F9: variants seen among roughly 807,000 people sequenced by gnomAD.
The protein encoded by F9 is coagulation factor IX.
Under a neutral mutation model 34.1 loss-of-function variants are expected in F9, and 2 were observed. The ratio of observed to expected loss-of-function variants is 0.06; its 90% CI spans 0.02 to 0.18. The LOEUF (loss-of-function observed/expected upper bound fraction) is 0.18. Ranked by LOEUF, F9 falls within the 10% of genes least tolerant of loss-of-function variation. F9 has a pLI of 1.00. For missense variants in F9, 216 were observed against 345.1 expected, an observed-to-expected ratio of 0.63 and a Z score of 2.96; for synonymous variants, 137 against 118.8, an observed-to-expected ratio of 1.15 and a Z score of -1.00.
At chrX:139,549,558 T>A (rs960633808) in intron 5 of F9, among the ~76,000 whole-genome samples, 3 of 112,715 alleles carry the variant, frequency 2.7e-5, no homozygotes, top group Non-Finnish European at 5.6e-5. Flanking sequence ...AAAGTATTCC[T>A]TATGGGAAAT....
intron 4 of F9, among the ~76,000 whole-genome samples, chrX:139,542,157 G>C (rs1023957744): frequency 5.4e-5 from 6 of 111,999 alleles, no homozygotes; most frequent in African/African-American, 1.9e-4. Flanking sequence ...ATGAAATGTA[G>C]CAGCTACACT....
rs1348201465 is a variant in F9, at chrX:139,561,612, T to C, written c.927T>C (p.Ile309=). The C allele has an allele frequency of 8.3e-7, 1 of 1,210,213 alleles. No homozygotes were observed. ...IIPHHNYNAA[I]NKYNHDIALL... ...CTCACCACAACTACAATGCAGCTAT[T>C]AATAAGTACAACCATGACATTGCCC... Residue 309 remains isoleucine, a synonymous_variant, in exon 8 of 8, where the codon ATT becomes ATC. Coordinates refer to ENST00000218099, the MANE Select transcript of F9 (RefSeq NM_000133.4).
intron 1 of F9, among the ~76,000 whole-genome samples, chrX:139,535,488 G>A: frequency 8.9e-6 from 1 of 112,113 alleles, no homozygotes; most frequent in Non-Finnish European, 1.9e-5. Context: ...GTGAACAGCT[G>A]CAATGAAAAT....
chrX:139,553,312 T>C (rs1376172071), intron 6 of F9, among the ~76,000 whole-genome samples: 1 of 111,834 alleles, frequency 8.9e-6, no homozygotes, highest in Non-Finnish European at 1.9e-5. Context: ...TTTATGAACC[T>C]TTCCTGGAAC....
intron 4 of F9, among the ~76,000 whole-genome samples, chrX:139,541,439 C>T (rs1265577457): frequency 2.7e-5 from 3 of 111,407 alleles, no homozygotes; most frequent in Non-Finnish European, 3.8e-5. Context: ...TTAATACAAC[C>T]GTATGTGGTT....
chrX:139,532,214 A>G, intron 1 of F9, among the ~76,000 whole-genome samples: 1 of 111,882 alleles, frequency 8.9e-6, no homozygotes, highest in South Asian at 3.8e-4. Flanking sequence ...AGGCAATGTG[A>G]TTCTGCAGCC....
In F9 at chrX:139,561,255, C is replaced by A. The variant is rs183565089; in HGVS notation, c.839-269C>A. Among the ~76,000 whole-genome samples, 33 of 111,829 alleles carry A rather than the reference C, an allele frequency of 3.0e-4. No homozygotes were observed. In the Admixed American group the frequency reaches 3.1e-3, roughly 11 times the overall value. ...TGAGGATACTTGAAATTTGGAAAAT[C>A]TAGGATAATTCATGACTAGTGGATT... On this transcript the variant is annotated intron_variant, in intron 7 of 7. Transcript: ENST00000218099.
intron 1 of F9, among the ~76,000 whole-genome samples, chrX:139,533,121 C>T (rs897670453): frequency 9.1e-6 from 1 of 110,364 alleles, no homozygotes; most frequent in Non-Finnish European, 1.9e-5. Flanking sequence ...AGTAGCAGTA[C>T]AAAAAAAGAG....
chrX:139,561,080 T>C (rs1201806801), intron 7 of F9, among the ~76,000 whole-genome samples: 1 of 111,710 alleles, frequency 9.0e-6, no homozygotes, highest in Non-Finnish European at 1.9e-5. Flanking sequence ...TAGTTCTTGA[T>C]GTAGCCATTT....
chrX:139,560,593 A>G (rs1928074395), intron 6 of F9, 148 bp from the exon 7 acceptor site: 2 of 479,366 alleles, frequency 4.2e-6, no homozygotes, highest in African/African-American at 2.4e-5. Flanking sequence ...ACACTAATTC[A>G]TCTGCAAAGC....
intron 1 of F9, among the ~76,000 whole-genome samples, chrX:139,532,262 C>T (rs1927360039): frequency 9.0e-6 from 1 of 111,457 alleles, no homozygotes; most frequent in African/African-American, 3.3e-5. Context: ...AGGAAGGGGC[C>T]AGGGGAATTT....
At chrX:139,551,304 T>G in intron 6 of F9, 40 bp downstream of exon 6, 1 of 1,122,599 alleles carries the variant, frequency 8.9e-7, no homozygotes, top group Non-Finnish European at 1.2e-6. Context: ...GGAGCTCAGC[T>G]GGCAAGACAC....
Position 139,561,895 on chromosome X carries a change from A to G in F9, c.1210A>G (p.Arg404Gly), listed in dbSNP as rs1390673858. Reference sequence around the variant, plus strand: ...CTGTGCTGGCTTCCATGAAGGAGGTAGAGATTCATGTCAAGGAGATAGTGG... The same window carrying G: ...CTGTGCTGGCTTCCATGAAGGAGGTGGAGATTCATGTCAAGGAGATAGTGG... ...MFCAGFHEGG[R>G]DSCQGDSGGP... Residue 404 changes from arginine to glycine, a missense_variant, in exon 8 of 8, where the codon AGA (arginine) becomes GGA (glycine). Physicochemically the swap from Arg to Gly is moderately radical, Grantham distance 125. Coordinates refer to ENST00000218099, the MANE Select transcript of F9 (RefSeq NM_000133.4). 2 of 1,209,133 alleles carry G rather than the reference A, an allele frequency of 1.7e-6. No individual in the cohort carries two copies. The highest frequency in any genetic ancestry group is 4.4e-5 in the Admixed American group (2 of 45,766).
intron 6 of F9, among the ~76,000 whole-genome samples, chrX:139,560,006 G>T (rs1444435135): frequency 1.8e-5 from 2 of 112,290 alleles, no homozygotes; most frequent in Non-Finnish European, 3.8e-5. Flanking sequence ...TAATGGACTT[G>T]CCTCTTATCT....
chrX:139,531,220 T>C (rs1393748334), intron 1 of F9, among the ~76,000 whole-genome samples: 1 of 112,029 alleles, frequency 8.9e-6, no homozygotes, highest in Non-Finnish European at 1.9e-5. Flanking sequence ...TATTTTTGTT[T>C]GGACTTACCA....
chrX:139,534,975 T>C (rs764787012), intron 1 of F9, among the ~76,000 whole-genome samples: 3 of 111,657 alleles, frequency 2.7e-5, no homozygotes, highest in Non-Finnish European at 5.6e-5. Context: ...GGCAGATGGC[T>C]GCTCCAATTT....
chrX:139,538,658 C>T (rs918141821), intron 3 of F9, among the ~76,000 whole-genome samples: 1 of 111,559 alleles, frequency 9.0e-6, no homozygotes, highest in African/African-American at 3.3e-5. Flanking sequence ...TACTGAGGTG[C>T]CCCCTAAAGT....
intron 6 of F9, among the ~76,000 whole-genome samples, chrX:139,556,725 G>A (rs1193432246): frequency 8.9e-6 from 1 of 112,330 alleles, no homozygotes; most frequent in Non-Finnish European, 1.9e-5. Flanking sequence ...AAGATTATTT[G>A]ATGAAATGCA....
intron 6 of F9, among the ~76,000 whole-genome samples, chrX:139,559,677 G>A (rs1414462889): frequency 8.9e-6 from 1 of 111,954 alleles, no homozygotes; most frequent in East Asian, 2.8e-4. Context: ...AGGACAAAAA[G>A]AACATGCCCC....
Sources: allele counts gnomAD v4.1 joint callset (sites outside exome capture counted in the v4.1 genomes callset), GRCh38; gene constraint gnomAD v4.1.1; transcripts MANE v1.5; gene names NCBI Gene and HGNC (gene_info 2026-07-23, HGNC 2026-07-21).